PDE4B: variants seen among roughly 807,000 people sequenced by gnomAD.
PDE4B encodes the protein phosphodiesterase 4B, also known as 3',5'-cyclic-AMP phosphodiesterase 4B.
Under a neutral mutation model 82.2 loss-of-function variants are expected in PDE4B, and 20 were observed. The observed-to-expected ratio is 0.24, with a 90% CI of 0.17 to 0.35. The LOEUF (loss-of-function observed/expected upper bound fraction) is 0.35, where lower values mean the gene tolerates loss of function less well. Among genes scored for constraint, PDE4B ranks in the 10% least tolerant of loss-of-function variants. The pLI is 1.00. For missense variants in PDE4B, 655 were observed against 907.2 expected, an observed-to-expected ratio of 0.72 and a Z score of 3.57; for synonymous variants, 320 against 318.9, an observed-to-expected ratio of 1.00 and a Z score of -0.04.
At chr1:65,850,110 C>CTTTTTTTT (rs57662381) in intron 1 of PDE4B, among the ~76,000 whole-genome samples, 1 of 97,488 alleles carries the variant, frequency 1.0e-5, no homozygotes, top group Non-Finnish European at 2.0e-5. Flanking sequence ...TTGCCCTGCA[C>CTTTTTTTT]TTTTTTTTTT....
At chr1:66,211,321 G>C (rs1650031211) in intron 3 of PDE4B, among the ~76,000 whole-genome samples, 1 of 152,046 alleles carries the variant, frequency 6.6e-6, no homozygotes, top group African/African-American at 2.4e-5. Flanking sequence ...TTAAATTCTG[G>C]ATGAGTATTT....
chr1:66,215,004 A>G (rs974616291), intron 3 of PDE4B, among the ~76,000 whole-genome samples: 31 of 152,096 alleles, frequency 2.0e-4, no homozygotes, highest in African/African-American at 7.5e-4. Flanking sequence ...GTGGGTAAAG[A>G]TGAGAGAAAA....
At chr1:66,053,406 A>T (rs1435495600) in intron 3 of PDE4B, among the ~76,000 whole-genome samples, 2 of 152,196 alleles carry the variant, frequency 1.3e-5, no homozygotes, top group African/African-American at 2.4e-5. Context: ...TCTGTTTATC[A>T]TGTCCCAGAC....
At chr1:66,222,761 G>A (rs1478368624) in intron 3 of PDE4B, among the ~76,000 whole-genome samples, 1 of 152,140 alleles carries the variant, frequency 6.6e-6, no homozygotes, top group East Asian at 1.9e-4. Context: ...TATGCTCCCA[G>A]TTTAGTTCCT....
intron 3 of PDE4B, among the ~76,000 whole-genome samples, chr1:66,204,913 C>T (rs1435192213): frequency 6.6e-6 from 1 of 152,210 alleles, no homozygotes. Flanking sequence ...GATGGAAATG[C>T]AGAAATCACC....
chr1:66,142,446 A>T (rs1570331153), intron 3 of PDE4B, among the ~76,000 whole-genome samples: 1 of 152,314 alleles, frequency 6.6e-6, no homozygotes, highest in East Asian at 1.9e-4. Flanking sequence ...TAATAAAGAA[A>T]ATCATAGGAG....
intron 3 of PDE4B, among the ~76,000 whole-genome samples, chr1:65,940,076 T>G (rs1025649197): frequency 2.0e-5 from 3 of 152,162 alleles, no homozygotes; most frequent in African/African-American, 7.2e-5. Flanking sequence ...AGAGTAAATA[T>G]AAGCTGAGCA....
intron 1 of PDE4B, among the ~76,000 whole-genome samples, chr1:65,885,035 C>G (rs902326985): frequency 6.6e-6 from 1 of 152,110 alleles, no homozygotes; most frequent in African/African-American, 2.4e-5. Context: ...ACAACCCCAT[C>G]AAAAAGTGGG....
At chr1:66,033,072 A>G (rs116662263) in intron 3 of PDE4B, among the ~76,000 whole-genome samples, 1,737 of 152,278 alleles carry the variant, frequency 0.011, 36 homozygotes, top group African/African-American at 0.04. Flanking sequence ...TATGATATTA[A>G]AAAGTAAAGT....
intron 7 of PDE4B, among the ~76,000 whole-genome samples, chr1:66,299,980 A>C (rs1321970028): frequency 6.6e-6 from 1 of 152,214 alleles, no homozygotes; most frequent in Non-Finnish European, 1.5e-5. Flanking sequence ...AATATGAATT[A>C]ATAATGGCAT....
intron 10 of PDE4B, among the ~76,000 whole-genome samples, chr1:66,362,688 C>G (rs977347203): frequency 6.6e-6 from 1 of 152,160 alleles, no homozygotes; most frequent in African/African-American, 2.4e-5. Flanking sequence ...CTTTTACATT[C>G]AATTGGGTTG....
intron 7 of PDE4B, among the ~76,000 whole-genome samples, chr1:66,286,407 G>T (rs554203299): frequency 3.3e-4 from 50 of 152,266 alleles, no homozygotes; most frequent in African/African-American, 1.2e-3. Flanking sequence ...CTTGGCAGAT[G>T]CAGGACTAGG....
At chr1:65,931,237 A>G (rs1024216642) in intron 3 of PDE4B, among the ~76,000 whole-genome samples, 1 of 152,204 alleles carries the variant, frequency 6.6e-6, no homozygotes, top group African/African-American at 2.4e-5. Flanking sequence ...AGAAGCAGCT[A>G]TGCTTCCTGT....
In PDE4B at chr1:65,958,582, T is replaced by C. The variant is rs1391759397; in HGVS notation, c.281+39747T>C. Reference sequence around the variant, plus strand: ...TCACCTATACAATATCTGGGTCTGATATTTTCTTCATGGGAAGATTTTTTA... The same window carrying C: ...TCACCTATACAATATCTGGGTCTGACATTTTCTTCATGGGAAGATTTTTTA... On this transcript the variant is annotated intron_variant, in intron 3 of 16. Coordinates refer to ENST00000341517, the MANE Select transcript of PDE4B (RefSeq NM_002600.4). Among the ~76,000 whole-genome samples, 5 of 152,122 alleles carry C rather than the reference T, an allele frequency of 3.3e-5. No homozygotes were observed. In the East Asian group the frequency reaches 9.6e-4, roughly 29 times the overall value.
At chr1:66,146,198 T>G (rs1342226793) in intron 3 of PDE4B, among the ~76,000 whole-genome samples, 2 of 145,364 alleles carry the variant, frequency 1.4e-5, no homozygotes, top group Non-Finnish European at 1.5e-5. Flanking sequence ...TTTTTTTTTT[T>G]TTTGAGACGG....
intron 1 of PDE4B, among the ~76,000 whole-genome samples, chr1:65,907,333 T>C (rs1005709473): frequency 1.3e-5 from 2 of 152,186 alleles, no homozygotes; most frequent in Non-Finnish European, 2.9e-5. Context: ...GTTGAGTCTT[T>C]AGAGTTGTTT....
chr1:66,323,078 T>C (rs1289084677), intron 7 of PDE4B, among the ~76,000 whole-genome samples: 1 of 152,140 alleles, frequency 6.6e-6, no homozygotes, highest in Non-Finnish European at 1.5e-5. Context: ...GGGATCTTTT[T>C]AAAATCCAAA....
At chr1:66,366,387 T>G (rs373312845) in intron 13 of PDE4B, among the ~76,000 whole-genome samples, 1 of 152,214 alleles carries the variant, frequency 6.6e-6, no homozygotes, top group Non-Finnish European at 1.5e-5. Context: ...TTTGTCATGC[T>G]TAAAATGTTT....
chr1:66,309,769 T>C (rs1483515931), intron 7 of PDE4B, among the ~76,000 whole-genome samples: 3 of 152,136 alleles, frequency 2.0e-5, no homozygotes, highest in African/African-American at 7.2e-5. Context: ...GAATAGGTAA[T>C]TGTAAGAAAT....
Sources: allele counts gnomAD v4.1 joint callset (sites outside exome capture counted in the v4.1 genomes callset), GRCh38; gene constraint gnomAD v4.1.1; transcripts MANE v1.5; gene names NCBI Gene and HGNC (gene_info 2026-07-23, HGNC 2026-07-21).